TRPM1: variants seen among roughly 807,000 people sequenced by gnomAD.
TRPM1 encodes TRPM1-203 APA Isoform, Intron 10.
A neutral mutation model predicts 149.4 loss-of-function variants in TRPM1; 113 were observed. The observed-to-expected ratio is 0.76, with a 90% confidence interval of 0.65 to 0.88. TRPM1 has a LOEUF of 0.88. TRPM1 is among the 40% of genes least tolerant of loss of function. The probability of loss-of-function intolerance (pLI) is 0.00; values close to 1 mark genes in which losing one functional copy is unlikely to be tolerated. For missense variants in TRPM1, 1,976 were observed against 2,038.7 expected, an observed-to-expected ratio of 0.97 and a Z score of 0.59; for synonymous variants, 741 against 759.5, an observed-to-expected ratio of 0.98 and a Z score of 0.40.
Position 31,047,270 on chromosome 15 carries a change from C to A in TRPM1, c.1624-19G>T. On this transcript the variant is annotated intron_variant, in intron 14 of 27. Transcript: ENST00000256552. ...GGTTGCTCTGTAAAAGAAGTCTGGT[C>A]TCAGGCCCTGTGAGAATGCGTTCGC... 6.2e-7 allele frequency: 1 copy of A among 1,614,180 alleles called. No homozygotes were observed. The highest frequency in any genetic ancestry group is 2.2e-5 in the East Asian group (1 of 44,886).
chr15:31,065,228 G>A (rs150581991), intron 7 of TRPM1: 5 of 470,902 alleles, frequency 1.1e-5, no homozygotes, highest in East Asian at 5.8e-5. Context: ...TGTATTCTTC[G>A]AGATCTGATT....
intron 1 of TRPM1, among the ~76,000 whole-genome samples, chr15:31,089,588 T>C (rs999971781): frequency 2.0e-5 from 3 of 152,136 alleles, no homozygotes; most frequent in Non-Finnish European, 4.4e-5. Flanking sequence ...GCTCTGTAAC[T>C]CGAGGAGGCC....
intron 21 of TRPM1, among the ~76,000 whole-genome samples, chr15:31,034,341 G>A (rs1042960174): frequency 2.0e-5 from 3 of 152,202 alleles, no homozygotes; most frequent in Admixed American, 6.5e-5. Context: ...TCTGTTTGCA[G>A]CAAACGCTCT....
chr15:31,046,066 G>T (rs1180980299), intron 16 of TRPM1, 138 bp downstream of exon 16: 2 of 753,240 alleles, frequency 2.7e-6, no homozygotes, highest in East Asian at 2.6e-5. Flanking sequence ...TGTATATATG[G>T]TCCTTTTATA....
intron 27 of TRPM1, among the ~76,000 whole-genome samples, chr15:31,011,829 A>G (rs1369684531): frequency 6.6e-6 from 1 of 151,894 alleles, no homozygotes. Flanking sequence ...CACACAGGCT[A>G]ATTTTTGTAT....
intron 22 of TRPM1, among the ~76,000 whole-genome samples, chr15:31,031,537 G>A (rs552349088): frequency 2.4e-4 from 36 of 152,280 alleles, no homozygotes; most frequent in Middle Eastern, 3.4e-3. Context: ...GAAATAAAAC[G>A]ATAATGAATT....
intron 21 of TRPM1, 103 bp from the exon 22 acceptor site, chr15:31,033,043 GC>G: frequency 6.6e-7 from 1 of 1,523,982 alleles, no homozygotes; most frequent in Non-Finnish European, 9.0e-7. Context: ...AGGTCATCTG[GC>G]CCCTTTCCTA....
At chr15:31,070,464 A>G in intron 3 of TRPM1, 1 of 698,480 alleles carries the variant, frequency 1.4e-6, no homozygotes, top group Non-Finnish European at 2.6e-6. Context: ...GCTCTTTCGG[A>G]AAATATTTCA....
intron 1 of TRPM1, among the ~76,000 whole-genome samples, chr15:31,110,901 CT>C (rs1187944183): frequency 1.4e-5 from 2 of 146,670 alleles, no homozygotes; most frequent in Non-Finnish European, 3.0e-5. Flanking sequence ...CTCTCTCTCT[CT>C]CCCCCCCCTT....
chr15:31,109,333 C>CAAAAAAAAAAAAAAAAAAA (rs36072024), intron 1 of TRPM1, among the ~76,000 whole-genome samples: 4 of 32,296 alleles, frequency 1.2e-4, no homozygotes, highest in Non-Finnish European at 2.4e-4. Context: ...GACTCTGCCT[C>CAAAAAAAAAAAAAAAAAAA]AAAAAAAAAA....
At chr15:31,117,854 G>A (rs2035822887) in intron 1 of TRPM1, among the ~76,000 whole-genome samples, 1 of 152,080 alleles carries the variant, frequency 6.6e-6, no homozygotes, top group African/African-American at 2.4e-5. Flanking sequence ...ACATTACCAA[G>A]AAAATAATTA....
At position 31,071,703 on chromosome 15, in the gene TRPM1, C is replaced by T. The variant is rs11633780; in HGVS notation, c.84-1477G>A. On this transcript the variant is annotated intron_variant, in intron 3 of 27. Transcript: ENST00000256552. ...TTCAGGCCAGGAGCAGTGGCTCACG[C>T]CTGTAATCCCAACACTTTGAGAGGC... Among the ~76,000 whole-genome samples the T allele has an allele frequency of 3.7e-3, 557 of 152,030 alleles. 5 individuals carry two copies. Among genetic ancestry groups the T allele is most frequent in the Non-Finnish European group, 5.8e-3 (397 of 67,966 alleles).
rs575310125 is a variant in TRPM1, at chr15:31,089,080, T to A, written c.-83-7642A>T. Among the ~76,000 whole-genome samples the A allele has an allele frequency of 3.3e-5, 5 of 152,340 alleles. No individual in the cohort carries two copies. In the South Asian group the frequency reaches 1.0e-3, roughly 32 times the overall value. On this transcript the variant is annotated intron_variant, in intron 1 of 27. Coordinates refer to ENST00000256552, the MANE Select transcript of TRPM1 (RefSeq NM_001252024.2). Reference sequence around the variant, plus strand: ...AGGATAAGTAACATTTAATGCCATATTTTTAAAAAACAAAAATCAATACAG... The same window carrying A: ...AGGATAAGTAACATTTAATGCCATAATTTTAAAAAACAAAAATCAATACAG...
At chr15:31,036,770 G>A (rs969419007) in intron 20 of TRPM1, among the ~76,000 whole-genome samples, 7 of 152,226 alleles carry the variant, frequency 4.6e-5, no homozygotes, top group South Asian at 4.1e-4. Flanking sequence ...GGGCAGCAGT[G>A]ACTTCGACTG....
intron 1 of TRPM1, among the ~76,000 whole-genome samples, chr15:31,099,516 T>C (rs1017748034): frequency 1.3e-5 from 2 of 152,224 alleles, no homozygotes; most frequent in Admixed American, 6.5e-5. Context: ...TTTAGGTTGA[T>C]AGAAAATCTG....
chr15:31,073,768 A>G (rs1034564154), intron 3 of TRPM1, among the ~76,000 whole-genome samples: 2 of 152,056 alleles, frequency 1.3e-5, no homozygotes, highest in Non-Finnish European at 2.9e-5. Flanking sequence ...GAGAGAGGAC[A>G]TCCTTATCTT....
rs2033634159 is a variant in TRPM1 at position 31,042,096 on chromosome 15, T to C, written c.1942A>G (p.Lys648Glu). The change falls in exon 17 of 28, where the codon AAA (lysine) becomes GAA (glutamate). Residue 648 changes from lysine (K) to glutamate (E), a missense_variant. Around this residue, in one of 3 missense-constraint regions of TRPM1, gnomAD observed 1,332 missense variants for 1,347.1 expected, o/e 0.99. Transcript: ENST00000256552. ...CGCTGCCAGAGGAACACTGCCATTT[T>C]CTGGCGTTTCATCAGCACTGCCCAC... ...MVWAVLMKRQ[K>E]MAVFLWQRGE... 1 of 1,614,252 alleles carries C rather than the reference T, an allele frequency of 6.2e-7. No homozygotes were observed. The highest frequency in any genetic ancestry group is 1.3e-5 in the African/African-American group (1 of 75,064).
intron 1 of TRPM1, among the ~76,000 whole-genome samples, chr15:31,137,390 G>A (rs542395270): frequency 5.9e-5 from 9 of 152,308 alleles, no homozygotes; most frequent in Admixed American, 2.0e-4. Context: ...TATGGCCCCA[G>A]AAGCTGCAGA....
At chr15:31,144,002 C>A (rs1049742162) in intron 1 of TRPM1, among the ~76,000 whole-genome samples, 3 of 152,050 alleles carry the variant, frequency 2.0e-5, no homozygotes, top group Non-Finnish European at 4.4e-5. Flanking sequence ...TTTGAGAATA[C>A]GTATGGAATG....
Sources: gnomAD v4.1 joint callset for allele counts (sites outside exome capture counted in the v4.1 genomes callset) on GRCh38, gnomAD v4.1.1 for gene constraint, gnomAD v4.1.1 regional missense constraint, MANE v1.5 for transcripts, NCBI Gene and HGNC (gene_info 2026-07-23, HGNC 2026-07-21) for gene names.